The following ARHGAP20 variants were observed in gnomAD, a reference collection of about 807,000 sequenced individuals.
ARHGAP20 encodes Rho GTPase activating protein 20, also known as rho GTPase-activating protein 20.
A neutral mutation model predicts 73.7 loss-of-function variants in ARHGAP20; 34 were observed. That is an observed-to-expected ratio of 0.46 (90% CI 0.35 to 0.61). ARHGAP20 has a LOEUF of 0.61. ARHGAP20 is among the 20% of genes least tolerant of loss of function. The pLI, the probability that ARHGAP20 is intolerant of heterozygous loss-of-function variation, is 0.00. For missense variants in ARHGAP20, 1,314 were observed against 1,420.9 expected (o/e 0.92, Z 1.21); for synonymous variants, 523 against 518.2 (o/e 1.01, Z -0.13).
intron 9 of ARHGAP20, among the ~76,000 whole-genome samples, chr11:110,597,786 T>G (rs1274956463): frequency 3.3e-5 from 5 of 152,214 alleles, no homozygotes; most frequent in African/African-American, 1.2e-4. Context: ...TGCCTTTTAT[T>G]ATATATACAC....
At chr11:110,647,571 G>A (rs1037637938) in intron 2 of ARHGAP20, among the ~76,000 whole-genome samples, 6 of 151,998 alleles carry the variant, frequency 3.9e-5, no homozygotes, top group African/African-American at 1.4e-4. Context: ...GTGGTTTTAT[G>A]TTAACAACAT....
intron 1 of ARHGAP20, among the ~76,000 whole-genome samples, chr11:110,708,144 C>G (rs193000886): frequency 6.6e-6 from 1 of 151,932 alleles, no homozygotes; most frequent in African/African-American, 2.4e-5. Context: ...AAAATAAGCA[C>G]GTGAAAAGAT....
At chr11:110,582,556 G>T in intron 13 of ARHGAP20, 121 bp from the exon 14 acceptor site, 2 of 630,946 alleles carry the variant, frequency 3.2e-6, no homozygotes, top group African/African-American at 1.9e-5. Flanking sequence ...ATTCATATCG[G>T]CTTTAAAAGT....
At chr11:110,667,433 T>C (rs1949744312) in intron 2 of ARHGAP20, among the ~76,000 whole-genome samples, 1 of 152,198 alleles carries the variant, frequency 6.6e-6, no homozygotes, top group Non-Finnish European at 1.5e-5. Flanking sequence ...TTTAAGTCCA[T>C]TGTTAAGACA....
In ARHGAP20 at chr11:110,580,803, G is replaced by A. The variant is rs764104874; in HGVS notation, c.2143C>T (p.Leu715Phe). Residue 715 changes from leucine (L) to phenylalanine (F), a missense_variant, in exon 15 of 15, where the codon CTT (leucine) becomes TTT (phenylalanine). By Grantham distance (22) the Leu-to-Phe change is conservative. Coordinates refer to ENST00000683387, the MANE Select transcript of ARHGAP20 (RefSeq NM_001384657.1). ...TGATAAAACTCCCTGAGGTAGGAAA[G>A]CTTTGAATCCAGATAGTCGATGCTG... ...EPSIDYLDSK[L>F]SYLREFYQKK... The A allele has an allele frequency of 1.9e-6, 3 of 1,614,048 alleles. No homozygotes were observed. Among genetic ancestry groups the A allele is most frequent in the Admixed American group, 1.7e-5 (1 of 59,998 alleles).
chr11:110,690,450 C>T, intron 2 of ARHGAP20, 97 bp downstream of exon 2: 1 of 1,219,778 alleles, frequency 8.2e-7, no homozygotes, highest in Admixed American at 1.9e-5. Flanking sequence ...TAACAAACAA[C>T]CTCTACACAT....
chr11:110,625,430 A>G (rs1948723337), intron 3 of ARHGAP20, among the ~76,000 whole-genome samples: 1 of 152,214 alleles, frequency 6.6e-6, no homozygotes, highest in Non-Finnish European at 1.5e-5. Flanking sequence ...ATATATTTTC[A>G]ATGAAGTGGC....
At chr11:110,638,018 A>G (rs1200259280) in intron 2 of ARHGAP20, among the ~76,000 whole-genome samples, 1 of 152,062 alleles carries the variant, frequency 6.6e-6, no homozygotes, top group Non-Finnish European at 1.5e-5. Context: ...AGGGGCTTAG[A>G]TTTTATTTGG....
At chr11:110,678,348 G>A (rs1429686689) in intron 2 of ARHGAP20, among the ~76,000 whole-genome samples, 1 of 152,184 alleles carries the variant, frequency 6.6e-6, no homozygotes, top group Non-Finnish European at 1.5e-5. Flanking sequence ...CTTTTAACTG[G>A]TGAATTATAC....
chr11:110,622,212 C>T (rs1158232832), intron 4 of ARHGAP20, among the ~76,000 whole-genome samples: 1 of 152,212 alleles, frequency 6.6e-6, no homozygotes, highest in Non-Finnish European at 1.5e-5. Flanking sequence ...CTGTACCCTG[C>T]TCTCAGGCTA....
chr11:110,624,370 A>C (rs564030387), intron 3 of ARHGAP20, 59 bp from the exon 4 acceptor site: 2 of 1,386,042 alleles, frequency 1.4e-6, no homozygotes, highest in African/African-American at 1.5e-5. Flanking sequence ...ATTTTATGGG[A>C]GCTTCTCTGG....
intron 9 of ARHGAP20, among the ~76,000 whole-genome samples, chr11:110,597,935 T>C (rs1054415852): frequency 2.6e-5 from 4 of 152,246 alleles, no homozygotes; most frequent in Admixed American, 1.3e-4. Flanking sequence ...AAACATGCTA[T>C]TGCTATAAGA....
intron 11 of ARHGAP20, chr11:110,589,701 A>C (rs1947772980): frequency 1.0e-6 from 1 of 985,340 alleles, no homozygotes; most frequent in Non-Finnish European, 1.2e-6. Context: ...AGAACTCTCT[A>C]TCTCTGTAAC....
At chr11:110,638,195 T>C (rs929718763) in intron 2 of ARHGAP20, among the ~76,000 whole-genome samples, 1 of 152,068 alleles carries the variant, frequency 6.6e-6, no homozygotes, top group Non-Finnish European at 1.5e-5. Flanking sequence ...ACAAATTTTG[T>C]TTCATGAACA....
intron 4 of ARHGAP20, among the ~76,000 whole-genome samples, chr11:110,616,474 A>G (rs534798720): frequency 6.6e-6 from 1 of 152,266 alleles, no homozygotes; most frequent in East Asian, 1.9e-4. Context: ...CTGGGGCCCA[A>G]GTGATCACGC....
At chr11:110,679,124 G>A (rs1470755010) in intron 2 of ARHGAP20, among the ~76,000 whole-genome samples, 1 of 152,176 alleles carries the variant, frequency 6.6e-6, no homozygotes, top group East Asian at 1.9e-4. Flanking sequence ...CTGCTTCCAA[G>A]AGCCTTCATG....
chr11:110,683,155 T>C (rs1244114036), intron 2 of ARHGAP20, among the ~76,000 whole-genome samples: 1 of 152,110 alleles, frequency 6.6e-6, no homozygotes, highest in East Asian at 1.9e-4. Context: ...TTCCACAAGG[T>C]AGGCTGTTCA....
At chr11:110,709,707 T>C (rs1447709911) in intron 1 of ARHGAP20, among the ~76,000 whole-genome samples, 1 of 152,054 alleles carries the variant, frequency 6.6e-6, no homozygotes, top group Non-Finnish European at 1.5e-5. Flanking sequence ...GCCCATGTGG[T>C]TGGAGAATAC....
At chr11:110,607,630 A>C (rs1363879972) in intron 8 of ARHGAP20, among the ~76,000 whole-genome samples, 1 of 152,182 alleles carries the variant, frequency 6.6e-6, no homozygotes, top group South Asian at 2.1e-4. Context: ...ATACAATGTC[A>C]ATGTTTCATT....
Sources: gnomAD v4.1 joint callset for allele counts (sites outside exome capture counted in the v4.1 genomes callset) on GRCh38, gnomAD v4.1.1 for gene constraint, MANE v1.5 for transcripts, NCBI Gene and HGNC (gene_info 2026-07-23, HGNC 2026-07-21) for gene names.